Variants in UBAP2 observed in about 807,000 individuals in gnomAD.
UBAP2 encodes ubiquitin associated protein 2.
In UBAP2, 75 loss-of-function variants were observed where a neutral mutation model predicts 139.6. That is an observed-to-expected ratio of 0.54 (90% CI 0.45 to 0.65). UBAP2 has a LOEUF of 0.65. UBAP2 is among the 30% of genes least tolerant of loss of function. The probability of loss-of-function intolerance (pLI) is 0.00; values close to 1 mark genes in which losing one functional copy is unlikely to be tolerated. For missense variants in UBAP2, 1,368 were observed against 1,369.6 expected (o/e 1.00, Z 0.02); for synonymous variants, 526 against 526.2 (o/e 1.00, Z 0.01).
At position 34,026,094 on chromosome 9, in the gene UBAP2, C is replaced by A. The variant is rs145589963; in HGVS notation, c.-41-8905G>T. ...AACTTTTCTAAAAACCATGTATATA[C>A]CCTAAACGAAAAGCAAGGACACATT... On this transcript the variant is annotated intron_variant, in intron 1 of 28. Coordinates refer to ENST00000379238, the MANE Select transcript of UBAP2 (RefSeq NM_001370062.2). Among the ~76,000 whole-genome samples the A allele has an allele frequency of 1.6e-3, 238 of 152,250 alleles. 1 individual carries two copies. In the East Asian group the frequency reaches 0.022, roughly 14 times the overall value.
intron 1 of UBAP2, among the ~76,000 whole-genome samples, chr9:34,037,602 T>G (rs1234599477): frequency 1.3e-5 from 2 of 152,224 alleles, no homozygotes; most frequent in Non-Finnish European, 2.9e-5. Context: ...TACAATAAAT[T>G]AGCAATTTAC....
intron 2 of UBAP2, among the ~76,000 whole-genome samples, chr9:34,003,630 C>T (rs550161296): frequency 6.6e-6 from 1 of 152,232 alleles, no homozygotes; most frequent in East Asian, 1.9e-4. Flanking sequence ...TGGTCTTGAA[C>T]TCCTGACCTT....
In UBAP2 at chr9:34,042,477, C is replaced by CA. The variant is rs10713651; in HGVS notation, c.-42+6347dup. 9.0e-3 allele frequency among the ~76,000 whole-genome samples: 958 copies of CA among 106,126 alleles called. 11 individuals carry two copies. The highest frequency in any genetic ancestry group is 0.014 in the South Asian group (43 of 3,080). 69.6% of individuals were successfully genotyped at this position (106,126 alleles called of 152,430 possible). ...CAGGCGATAGTGCAAGACTCCGTCT[C>CA]AAAAAAAAAAAAAAAAAAAGGAACA... On this transcript the variant is annotated intron_variant, in intron 1 of 28. Coordinates refer to ENST00000379238, the MANE Select transcript of UBAP2 (RefSeq NM_001370062.2).
intron 2 of UBAP2, among the ~76,000 whole-genome samples, chr9:34,015,265 T>C (rs1392712165): frequency 6.6e-6 from 1 of 152,178 alleles, no homozygotes; most frequent in Non-Finnish European, 1.5e-5. Flanking sequence ...CTTAAAATAA[T>C]AATATAACCA....
intron 16 of UBAP2, among the ~76,000 whole-genome samples, chr9:33,939,206 T>TTTTTTTTTC (rs575154458): frequency 1.4e-5 from 2 of 138,316 alleles, no homozygotes; most frequent in Non-Finnish European, 1.6e-5. Flanking sequence ...TTTTTTTTTT[T>TTTTTTTTTC]TTTTTGAGAT....
intron 19 of UBAP2, 77 bp from the exon 20 acceptor site, chr9:33,928,069 T>G (rs989232418): frequency 6.8e-6 from 10 of 1,464,092 alleles, no homozygotes; most frequent in Non-Finnish European, 9.2e-6. Flanking sequence ...GCCTGGCGCT[T>G]GGGCCCAAGT....
intron 1 of UBAP2, among the ~76,000 whole-genome samples, chr9:34,034,680 C>G (rs1281169207): frequency 6.6e-6 from 1 of 152,254 alleles, no homozygotes; most frequent in South Asian, 2.1e-4. Context: ...CAAGACCATC[C>G]TGGCTAACAT....
intron 1 of UBAP2, among the ~76,000 whole-genome samples, chr9:34,029,434 C>T (rs1461153340): frequency 4.6e-5 from 7 of 151,586 alleles, no homozygotes; most frequent in African/African-American, 1.7e-4. Flanking sequence ...GAGGCTGAGG[C>T]AGGAGAATTG....
intron 2 of UBAP2, among the ~76,000 whole-genome samples, chr9:34,000,729 G>A (rs1162266611): frequency 1.3e-5 from 2 of 152,194 alleles, no homozygotes; most frequent in Non-Finnish European, 2.9e-5. Flanking sequence ...TGACTGAAGT[G>A]GGATAAGTGG....
intron 1 of UBAP2, among the ~76,000 whole-genome samples, chr9:34,034,375 C>G (rs1221019153): frequency 6.6e-6 from 1 of 152,100 alleles, no homozygotes; most frequent in Non-Finnish European, 1.5e-5. Context: ...ATCCTTATTA[C>G]TTAATCACTC....
At chr9:33,932,478 T>G in intron 19 of UBAP2, 84 bp downstream of exon 19, 1 of 1,518,024 alleles carries the variant, frequency 6.6e-7, no homozygotes, top group Non-Finnish European at 9.0e-7. Context: ...ACACTAAAAA[T>G]CAGACTGAAG....
intron 2 of UBAP2, among the ~76,000 whole-genome samples, chr9:33,999,716 T>A (rs895644809): frequency 6.6e-6 from 1 of 151,864 alleles, no homozygotes; most frequent in African/African-American, 2.4e-5. Flanking sequence ...CTCTTCACGA[T>A]TTTTTCTTTT....
intron 19 of UBAP2, among the ~76,000 whole-genome samples, chr9:33,931,368 A>C (rs1823964674): frequency 6.6e-6 from 1 of 152,130 alleles, no homozygotes; most frequent in African/African-American, 2.4e-5. Context: ...ACTGGATGAG[A>C]CGATTCTGGC....
chr9:33,969,373 C>CT (rs1827719867), intron 8 of UBAP2, among the ~76,000 whole-genome samples: 1 of 152,024 alleles, frequency 6.6e-6, no homozygotes, highest in Non-Finnish European at 1.5e-5. Context: ...AATGCAAAAT[C>CT]TTATCTCTAC....
chr9:34,035,606 A>G (rs1826295611), intron 1 of UBAP2, among the ~76,000 whole-genome samples: 1 of 146,872 alleles, frequency 6.8e-6, no homozygotes, highest in South Asian at 2.2e-4. Context: ...AATCACTTGA[A>G]CCTGGGAGGC....
At chr9:34,032,788 G>C (rs1363377293) in intron 1 of UBAP2, among the ~76,000 whole-genome samples, 1 of 152,002 alleles carries the variant, frequency 6.6e-6, no homozygotes, top group African/African-American at 2.4e-5. Flanking sequence ...GCTGGGCGTG[G>C]TTGCACGCAC....
intron 1 of UBAP2, among the ~76,000 whole-genome samples, chr9:34,043,323 T>C (rs895851102): frequency 6.6e-6 from 1 of 151,522 alleles, no homozygotes; most frequent in East Asian, 2.0e-4. Flanking sequence ...AAGCACACCA[T>C]GCCCAGCTAA....
At chr9:34,020,076 C>T (rs772697227) in intron 1 of UBAP2, among the ~76,000 whole-genome samples, 15 of 149,216 alleles carry the variant, frequency 1.0e-4, no homozygotes, top group Admixed American at 3.4e-4. Flanking sequence ...AGGATAATTG[C>T]TTGAACCTGG....
In UBAP2 at chr9:33,922,543, G is replaced by A. The variant is rs371674945; in HGVS notation, c.3321C>T (p.Ser1107=). 6 of 1,613,954 alleles carry A rather than the reference G, an allele frequency of 3.7e-6. No homozygotes were observed. The highest frequency in any genetic ancestry group is 2.2e-5 in the South Asian group (2 of 91,064). The change falls in exon 29 of 29, where the codon TCC becomes TCT. Residue 1107 remains serine (S), a synonymous_variant. Transcript: ENST00000379238. ...ATGGAGAGTTGCCGTAGGCAGGTTT[G>A]GAGGCTTGAGACTTGGGCTGCAGGG... ...PSSLQPKSQA[S]KPAYGNSPYW... is the part of the protein sequence containing the mutation.
Sources: allele counts gnomAD v4.1 joint callset (sites outside exome capture counted in the v4.1 genomes callset), GRCh38; gene constraint gnomAD v4.1.1; transcripts MANE v1.5; gene names NCBI Gene and HGNC (gene_info 2026-07-23, HGNC 2026-07-21).